The following PPP2R5B variants were observed in gnomAD, a reference collection of about 807,000 sequenced individuals.
PPP2R5B encodes the protein protein phosphatase 2 regulatory subunit B'beta.
A neutral mutation model predicts 59.9 loss-of-function variants in PPP2R5B; 19 were observed. The ratio of observed to expected loss-of-function variants is 0.32; its 90% CI spans 0.22 to 0.47. PPP2R5B has a LOEUF of 0.47. Ranked by LOEUF, PPP2R5B falls within the 20% of genes least tolerant of loss-of-function variation. The pLI is 1.00. For synonymous variants in PPP2R5B, 286 were observed against 260.5 expected, an observed-to-expected ratio of 1.10 and a Z score of -0.94; for missense variants, 441 against 640.2, an observed-to-expected ratio of 0.69 and a Z score of 3.36.
chr11:64,919,134 A>T (rs897903110), intron 1 of PPP2R5B, among the ~76,000 whole-genome samples: 1 of 152,052 alleles, frequency 6.6e-6, no homozygotes, highest in Admixed American at 6.5e-5. Context: ...AGGTCAGGAA[A>T]TCGAGACCAC....
At chr11:64,926,572 C>T (rs1945165947) in intron 2 of PPP2R5B, 140 bp from the exon 3 acceptor site, 1 of 858,916 alleles carries the variant, frequency 1.2e-6, no homozygotes. Flanking sequence ...TTGCTGTCTG[C>T]AAGGAGCAGG....
rs772228097 is a variant in PPP2R5B at position 64,925,670 on chromosome 11, C to T, written c.-65C>T. 2 of 939,078 alleles carry T rather than the reference C, an allele frequency of 2.1e-6. No individual in the cohort carries two copies. Among genetic ancestry groups the T allele is most frequent in the African/African-American group, 1.6e-5 (1 of 61,404 alleles). The allele number at this position is 939,078 out of a possible 1,614,324, so 58.2% of individuals were successfully genotyped here. On this transcript the variant is annotated 5_prime_UTR_variant, in exon 2 of 14. Coordinates refer to ENST00000164133, the MANE Select transcript of PPP2R5B (RefSeq NM_006244.4). This position sits in a 1 kb window ranked among gnomAD's most constrained non-coding sequence, Gnocchi z 4.6. Reference sequence around the variant, plus strand: ...CCAAGTTAGTCTGTCCAGTCTCACCCAGCACCTCCCAGGCCCAGAGAGAAC... The same window carrying T: ...CCAAGTTAGTCTGTCCAGTCTCACCTAGCACCTCCCAGGCCCAGAGAGAAC...
At chr11:64,920,931 G>A (rs918831439), upstream of PPP2R5B, among the ~76,000 whole-genome samples, 3 of 112,216 alleles carry the variant, frequency 2.7e-5, no homozygotes, top group Non-Finnish European at 5.2e-5. Context: ...CCCAGCCTTC[G>A]GTCCAGCAGT....
At chr11:64,928,510 C>T (rs1945193392) in intron 6 of PPP2R5B, 85 bp downstream of exon 6, 2 of 1,583,160 alleles carry the variant, frequency 1.3e-6, no homozygotes, top group South Asian at 1.1e-5. Flanking sequence ...TGTGCGGTGG[C>T]TCACACCTGT....
chr11:64,924,234 GACTTTTA>G (rs1945134967), upstream of PPP2R5B: 2 of 152,316 alleles, frequency 1.3e-5, no homozygotes, highest in Non-Finnish European at 2.9e-5. Flanking sequence ...ACTCATCGCA[GACTTTTA>G]ACTAGTCCAG....
intron 1 of PPP2R5B, among the ~76,000 whole-genome samples, chr11:64,919,342 CA>C (rs10718168): frequency 0.94 from 137,020 of 145,720 alleles, 64,702 homozygotes; most frequent in South Asian, 1. Context: ...GATTCTGTCT[CA>C]AAAAAAAAAA....
chr11:64,926,692 G>A lies in PPP2R5B; in HGVS notation c.200-20G>A. The A allele has an allele frequency of 1.2e-6, 2 of 1,611,694 alleles. No individual in the cohort carries two copies. The highest frequency in any genetic ancestry group is 2.2e-5 in the East Asian group (1 of 44,832). On this transcript the variant is annotated intron_variant, in intron 2 of 13. Transcript: ENST00000164133. ...CTGGGGGAGCTGGGGCCCAGGCCCA[G>A]GATGCCCTCTCCTCCCCAGATGTGC... is the stretch of plus-strand genomic sequence containing the variant.
Position 64,925,670 on chromosome 11 carries a change from C to G in PPP2R5B, c.-65C>G. 2 of 939,196 alleles carry G rather than the reference C, an allele frequency of 2.1e-6. No individual in the cohort carries two copies. Among genetic ancestry groups the G allele is most frequent in the Non-Finnish European group, 3.3e-6 (2 of 601,716 alleles). The allele number at this position is 939,196 out of a possible 1,614,324, so 58.2% of individuals were successfully genotyped here. ...CCAAGTTAGTCTGTCCAGTCTCACC[C>G]AGCACCTCCCAGGCCCAGAGAGAAC... On this transcript the variant is annotated 5_prime_UTR_variant, in exon 2 of 14. Coordinates refer to ENST00000164133, the MANE Select transcript of PPP2R5B (RefSeq NM_006244.4). The surrounding 1 kb of genome is among the most constrained non-coding windows in gnomAD (Gnocchi z 4.6).
chr11:64,921,237 T>G (rs1321574042), upstream of PPP2R5B, among the ~76,000 whole-genome samples: 1 of 152,140 alleles, frequency 6.6e-6, no homozygotes, highest in Non-Finnish European at 1.5e-5. Context: ...ATTACAGGCA[T>G]GAGCCCCTGC....
intron 2 of PPP2R5B, 49 bp from the exon 3 acceptor site, chr11:64,926,654 ACAGCTGGGG>A (rs896051868): frequency 1.2e-4 from 186 of 1,576,326 alleles, no homozygotes; most frequent in South Asian, 7.2e-4. Flanking sequence ...TGCCCCACCC[ACAGCTGGGG>A]CAGCTGGGGG....
chr11:64,919,041 A>C (rs1190686002), intron 1 of PPP2R5B, among the ~76,000 whole-genome samples: 1 of 152,206 alleles, frequency 6.6e-6, no homozygotes, highest in Non-Finnish European at 1.5e-5. Context: ...TAGGACAGCC[A>C]TTCAGAAAGT....
chr11:64,930,035 C>T (rs11231903), intron 6 of PPP2R5B, among the ~76,000 whole-genome samples: 33,538 of 152,092 alleles, frequency 0.22, 4,897 homozygotes, highest in Non-Finnish European at 0.33. Context: ...TTACATGGTA[C>T]GGAGTAGATG....
rs1945262008 is a variant in PPP2R5B, at chr11:64,934,210, G to A, written c.*366G>A. On this transcript the variant is annotated 3_prime_UTR_variant, in exon 14 of 14. Transcript: ENST00000164133. ...CCTGCCCCTGCCTTGGCCAATGCGA[G>A]GTCCTTCCTTATCCCCACCATGGGG... The A allele has an allele frequency of 4.0e-6, 1 of 249,236 alleles. No homozygotes were observed. Among genetic ancestry groups the A allele is most frequent in the African/African-American group, 2.2e-5 (1 of 44,628 alleles). 15.4% of individuals were successfully genotyped at this position (249,236 alleles called of 1,614,324 possible). A position where few individuals can be genotyped will look rare whatever the true frequency, so the allele number is the denominator to read the frequency against.
rs758175248 is a variant in PPP2R5B at position 64,932,875 on chromosome 11, C to T, written c.1227C>T (p.Ser409=). ...PAVFGTLYQV[S]KEHWNQTIVS... is the part of the protein sequence containing the mutation. ...TGTTTGGGACCCTCTACCAAGTCTC[C>T]AAGGAGCACTGGAACCAGTGAGTGC... The change falls in exon 12 of 14, where the codon TCC becomes TCT. Residue 409 remains serine (S), a synonymous_variant. Coordinates refer to ENST00000164133, the MANE Select transcript of PPP2R5B (RefSeq NM_006244.4). The T allele has an allele frequency of 6.2e-7, 1 of 1,614,120 alleles. No homozygotes were observed. The highest frequency in any genetic ancestry group is 1.7e-5 in the Admixed American group (1 of 60,002).
In PPP2R5B at chr11:64,931,133, G is replaced by A. The variant is rs1248218783; in HGVS notation, c.892-303G>A. ...CAGGCTCAAGTGATTCTGCTGCCTC[G>A]GCCTCCCAAAGTGCTTGGATTACAG... On this transcript the variant is annotated intron_variant, in intron 8 of 13. Transcript: ENST00000164133. The surrounding 1 kb of genome is among the most constrained non-coding windows in gnomAD (Gnocchi z 5.0). Among the ~76,000 whole-genome samples the A allele has an allele frequency of 2.6e-5, 4 of 151,880 alleles. No homozygotes were observed. The highest frequency in any genetic ancestry group is 1.9e-4 in the East Asian group (1 of 5,188).
chr11:64,922,138 G>A (rs917792523), upstream of PPP2R5B, among the ~76,000 whole-genome samples: 1 of 151,794 alleles, frequency 6.6e-6, no homozygotes, highest in Admixed American at 6.6e-5. Context: ...CTTGAGCCCA[G>A]GAGGCAGAGG....
chr11:64,925,751 C>T lies in PPP2R5B; in HGVS notation c.17C>T (p.Pro6Leu), dbSNP rs1770507116. Residue 6 changes from proline to leucine, a missense_variant, in exon 2 of 14, where the codon CCC becomes CTC. By Grantham distance (98) the Pro-to-Leu change is moderately conservative (BLOSUM62 -3). This residue lies in a region of PPP2R5B where 103 missense variants were observed against 87.9 expected (regional missense o/e 1.17). Coordinates refer to ENST00000164133, the MANE Select transcript of PPP2R5B (RefSeq NM_006244.4). This position sits in a 1 kb window ranked among gnomAD's most constrained non-coding sequence, Gnocchi z 4.6. METKL[P>L]PASTPTSPSS... ...CTGACCGCCATGGAGACGAAGCTGC[C>T]CCCTGCAAGCACCCCCACTAGCCCC... is the stretch of plus-strand genomic sequence containing the variant. 4 of 1,593,072 alleles carry T rather than the reference C, an allele frequency of 2.5e-6. No homozygotes were observed. The highest frequency in any genetic ancestry group is 2.6e-6 in the Non-Finnish European group (3 of 1,167,496).
Position 64,932,749 on chromosome 11 carries a change from A to G in PPP2R5B, c.1117-16A>G. 6.2e-7 allele frequency: 1 copy of G among 1,612,892 alleles called. No homozygotes were observed. On this transcript the variant is annotated splice_polypyrimidine_tract_variant and intron_variant, in intron 11 of 13. Coordinates refer to ENST00000164133, the MANE Select transcript of PPP2R5B (RefSeq NM_006244.4). ...GCCACTGCCAGTTAATCACTCTGCC[A>G]TCTTGTCTGCCCCAGGTTGCAGAGC...
Position 64,933,841 on chromosome 11 carries a change from C to A in PPP2R5B, c.1491C>A (p.Ser497Arg). The part of the protein sequence containing the change: ...TPQVAASGGQ[S>R] Reference sequence around the variant, plus strand: ...AGGTGGCCGCCAGTGGGGGTCAGAGCTAGACAGCACCTCAGAAGGGGAAAA... The same window carrying A: ...AGGTGGCCGCCAGTGGGGGTCAGAGATAGACAGCACCTCAGAAGGGGAAAA... Residue 497 changes from serine (S) to arginine (R), a missense_variant, in exon 14 of 14, where the codon AGC becomes AGA. This residue lies in a region of PPP2R5B where 70 missense variants were observed against 64.2 expected (regional missense o/e 1.09). Transcript: ENST00000164133. 6.5e-7 allele frequency: 1 copy of A among 1,530,798 alleles called. No homozygotes were observed. The highest frequency in any genetic ancestry group is 8.8e-7 in the Non-Finnish European group (1 of 1,139,102). 94.8% of individuals were successfully genotyped at this position (1,530,798 alleles called of 1,614,324 possible).
Sources: allele counts gnomAD v4.1 joint callset (sites outside exome capture counted in the v4.1 genomes callset), GRCh38; gene constraint gnomAD v4.1.1; regional missense constraint gnomAD v4.1.1; non-coding constraint Gnocchi (gnomAD v3.1); transcripts MANE v1.5; gene names NCBI Gene and HGNC (gene_info 2026-07-23, HGNC 2026-07-21).